Variants in ZNF705B observed in about 807,000 individuals in gnomAD.
ZNF705B encodes Putative zinc finger protein 705D-like protein LOC100132396.
A neutral mutation model predicts 10.5 loss-of-function variants in ZNF705B; 1 was observed. The ratio of observed to expected loss-of-function variants is 0.10; its 90% CI spans 0.03 to 0.45. The LOEUF (loss-of-function observed/expected upper bound fraction) is 0.45. Among genes scored for constraint, ZNF705B ranks in the 20% least tolerant of loss-of-function variants. ZNF705B has a pLI of 0.97. For synonymous variants in ZNF705B, 4 were observed against 25.4 expected, an observed-to-expected ratio of 0.16 and a Z score of 2.53; for missense variants, 14 against 84.0, an observed-to-expected ratio of 0.17 and a Z score of 3.26.
chr8:7,929,892 T>C (rs112116086), intron 1 of ZNF705B, among the ~76,000 whole-genome samples: 3 of 14,678 alleles, frequency 2.0e-4, no homozygotes, highest in African/African-American at 2.7e-4. Context: ...TTGGCTAAAA[T>C]AAAAGTGCAA....
chr8:7,940,213 C>T (rs1236911535), intron 2 of ZNF705B, among the ~76,000 whole-genome samples: 1 of 145,530 alleles, frequency 6.9e-6, no homozygotes, highest in African/African-American at 2.5e-5. Context: ...AACAAGGGAA[C>T]ATCTACCCCT....
rs188311102 is a variant in ZNF705B, at chr8:7,928,121, G to T, written c.-222+1724G>T. 1.7e-5 allele frequency among the ~76,000 whole-genome samples: 2 copies of T among 117,190 alleles called. 1 individual carries two copies. 76.9% of individuals were successfully genotyped at this position (117,190 alleles called of 152,430 possible). Reference sequence around the variant, plus strand: ...CGGCATAGGTGTCTGGAGAGAGCTCGTTCCCTTCTCTGTGATGTTATGTGG... The same window carrying T: ...CGGCATAGGTGTCTGGAGAGAGCTCTTTCCCTTCTCTGTGATGTTATGTGG... On this transcript the variant is annotated intron_variant, in intron 1 of 6. Coordinates refer to ENST00000400120, the MANE Select transcript of ZNF705B (RefSeq NM_001193630.1).
rs1206959635 is a variant in ZNF705B, at chr8:7,932,447, G to T, written c.-72+2011G>T. On this transcript the variant is annotated intron_variant, in intron 2 of 6. Coordinates refer to ENST00000400120, the MANE Select transcript of ZNF705B (RefSeq NM_001193630.1). ...GTACCTCTAGTCAGCCATCTTGAAG[G>T]CCACCTCCTAGCAATGAGAGGATAA... Among the ~76,000 whole-genome samples, 7 of 121,384 alleles carry T rather than the reference G, an allele frequency of 5.8e-5. 1 individual carries two copies. The highest frequency in any genetic ancestry group is 1.0e-4 in the African/African-American group (4 of 39,842). The allele number at this position is 121,384 out of a possible 152,430, so 79.6% of individuals were successfully genotyped here. A position where few individuals can be genotyped will look rare whatever the true frequency, so the allele number is the denominator to read the frequency against.
intron 2 of ZNF705B, among the ~76,000 whole-genome samples, chr8:7,931,106 G>A (rs1819835363): frequency 8.3e-6 from 1 of 120,792 alleles, no homozygotes; most frequent in African/African-American, 2.5e-5. Flanking sequence ...GCCCCCCTCA[G>A]CCTTCCAAAG....
Position 7,938,869 on chromosome 8 carries a change from TAA to T in ZNF705B, c.-72+8434_-72+8435del, listed in dbSNP as rs1563082433. 1.1e-5 allele frequency: 6 copies of T among 548,170 alleles called. No homozygotes were observed. In the African/African-American group the frequency reaches 1.4e-4, roughly 12 times the overall value. 34.0% of individuals were successfully genotyped at this position (548,170 alleles called of 1,614,324 possible). On this transcript the variant is annotated intron_variant, in intron 2 of 6. Transcript: ENST00000400120. ...CAGTGGAATGTCTCTGTTTGGATAA[TAA>T]GAGTCTTTCTGTACCTCCTTAGGGA...
chr8:7,926,660 AT>A (rs1307512278), intron 1 of ZNF705B, among the ~76,000 whole-genome samples: 1 of 106,458 alleles, frequency 9.4e-6, no homozygotes, highest in African/African-American at 2.7e-5. Flanking sequence ...GAAGCGGAAC[AT>A]TTGGGAAGTG....
intron 1 of ZNF705B, among the ~76,000 whole-genome samples, chr8:7,929,701 C>G (rs1485145881): frequency 8.6e-6 from 1 of 116,376 alleles, no homozygotes; most frequent in African/African-American, 2.6e-5. Context: ...TGTTGTTGTT[C>G]TTCTTCTTTT....
intron 1 of ZNF705B, among the ~76,000 whole-genome samples, chr8:7,929,831 T>G (rs1819792611): frequency 1.3e-5 from 1 of 79,570 alleles, no homozygotes; most frequent in African/African-American, 3.2e-5. Flanking sequence ...CAGATCTGTT[T>G]TGCCACTTTT....
chr8:7,933,010 G>A (rs1383308914), intron 2 of ZNF705B, among the ~76,000 whole-genome samples: 4 of 117,570 alleles, frequency 3.4e-5, no homozygotes, highest in Admixed American at 2.0e-4. Context: ...TAACTCCTGG[G>A]TCCTGTGAAT....
chr8:7,931,579 C>A (rs1251272818), intron 2 of ZNF705B, among the ~76,000 whole-genome samples: 2 of 122,108 alleles, frequency 1.6e-5, no homozygotes, highest in East Asian at 4.7e-4. Flanking sequence ...TGGACAACGA[C>A]CTTGGGTAGT....
At chr8:7,928,338 C>CT (rs1373501878) in intron 1 of ZNF705B, among the ~76,000 whole-genome samples, 1 of 120,986 alleles carries the variant, frequency 8.3e-6, no homozygotes, top group Non-Finnish European at 2.0e-5. Context: ...ACAGCACTTC[C>CT]TTACCTCCTT....
Position 7,926,378 on chromosome 8 carries a change from G to A in ZNF705B, c.-241G>A, listed in dbSNP as rs540007786. ...ACATACAGCACACAGCCTGTGGAGG[G>A]TGGAGGAACCAACTGCAAGGTGGGT... On this transcript the variant is annotated 5_prime_UTR_variant, in exon 1 of 7. In the 5' UTR this introduces an upstream ATG that the reference lacks. Coordinates refer to ENST00000400120, the MANE Select transcript of ZNF705B (RefSeq NM_001193630.1). The A allele has an allele frequency of 8.5e-6, 1 of 118,264 alleles. No homozygotes were observed. The highest frequency in any genetic ancestry group is 2.9e-4 in the South Asian group (1 of 3,468). The allele number at this position is 118,264 out of a possible 1,614,324, so 7.3% of individuals were successfully genotyped here. A position where few individuals can be genotyped will look rare whatever the true frequency, so the allele number is the denominator to read the frequency against.
At chr8:7,932,008 T>A (rs2128942072) in intron 2 of ZNF705B, among the ~76,000 whole-genome samples, 1 of 120,726 alleles carries the variant, frequency 8.3e-6, no homozygotes, top group East Asian at 2.4e-4. Context: ...TTTTGGGGGC[T>A]GGGCTCTCAA....
At chr8:7,927,387 T>A (rs1819722026) in intron 1 of ZNF705B, among the ~76,000 whole-genome samples, 1 of 121,298 alleles carries the variant, frequency 8.2e-6, no homozygotes, top group African/African-American at 2.5e-5. Flanking sequence ...CTCTTACAGG[T>A]TAGGTTCATT....
At chr8:7,930,235 T>A (rs2128941488) in intron 1 of ZNF705B, 52 bp from the exon 2 acceptor site, 1 of 116,532 alleles carries the variant, frequency 8.6e-6, no homozygotes, top group Non-Finnish European at 2.0e-5. Flanking sequence ...GTGCAATATT[T>A]GGTTTTCTAT....
At chr8:7,930,857 TGTTG>T (rs748491331) in intron 2 of ZNF705B, among the ~76,000 whole-genome samples, 1 of 115,030 alleles carries the variant, frequency 8.7e-6, no homozygotes, top group South Asian at 2.9e-4. Flanking sequence ...TTTTTTTTTT[TGTTG>T]TTGTTGTTGT....
intron 2 of ZNF705B, among the ~76,000 whole-genome samples, chr8:7,941,179 AT>A (rs1465737203): frequency 6.9e-6 from 1 of 145,814 alleles, no homozygotes; most frequent in Admixed American, 6.9e-5. Context: ...TAATAGAATG[AT>A]TTATATTCCT....
At chr8:7,926,688 C>T (rs918670676) in intron 1 of ZNF705B, among the ~76,000 whole-genome samples, 7 of 110,360 alleles carry the variant, frequency 6.3e-5, no homozygotes, top group African/African-American at 1.1e-4. Flanking sequence ...GAACACTGAC[C>T]TTTACCCACT....
chr8:7,927,315 C>A lies in ZNF705B; in HGVS notation c.-222+918C>A, dbSNP rs1174810973. ...AGGGATTTTTTTGAGACATTCCAGG[C>A]CTTATGGAGGAAAGTAGTATCTTGT... is the stretch of plus-strand genomic sequence containing the variant. On this transcript the variant is annotated intron_variant, in intron 1 of 6. Coordinates refer to ENST00000400120, the MANE Select transcript of ZNF705B (RefSeq NM_001193630.1). 2.5e-5 allele frequency among the ~76,000 whole-genome samples: 3 copies of A among 120,602 alleles called. 1 individual carries two copies. Among genetic ancestry groups the A allele is most frequent in the Non-Finnish European group, 6.0e-5 (3 of 50,304 alleles). 79.1% of individuals were successfully genotyped at this position (120,602 alleles called of 152,430 possible). A position where few individuals can be genotyped will look rare whatever the true frequency, so the allele number is the denominator to read the frequency against.
Sources: gnomAD v4.1 joint callset for allele counts (sites outside exome capture counted in the v4.1 genomes callset) on GRCh38, gnomAD v4.1.1 for gene constraint, MANE v1.5 for transcripts, NCBI Gene and HGNC (gene_info 2026-07-23, HGNC 2026-07-21) for gene names.